The following DKK4 variants were observed in gnomAD, a reference collection of about 807,000 sequenced individuals.
DKK4 encodes dickkopf Wnt signaling pathway inhibitor 4, also known as dickkopf-related protein 4.
In DKK4, 15 loss-of-function variants were observed where a neutral mutation model predicts 14.5. The ratio of observed to expected loss-of-function variants is 1.03; its 90% CI spans 0.69 to 1.59. The LOEUF is 1.59. Among genes scored for constraint, DKK4 ranks in the 40% most tolerant of loss-of-function variants. The probability of loss-of-function intolerance (pLI) is 0.00; values close to 1 mark genes in which losing one functional copy is unlikely to be tolerated. For synonymous variants in DKK4, 89 were observed against 105.2 expected (o/e 0.85, Z 0.94); for missense variants, 272 against 280.3 (o/e 0.97, Z 0.21).
upstream of DKK4, among the ~76,000 whole-genome samples, chr8:42,380,110 A>C (rs796174680): frequency 1.2e-4 from 18 of 152,228 alleles, no homozygotes; most frequent in African/African-American, 4.3e-4. Flanking sequence ...AGATGGGAGG[A>C]TCACTTGAAG....
At chr8:42,388,987 G>C in the DKK4 span, among the ~76,000 whole-genome samples, 3 of 152,308 alleles carry the variant, frequency 2.0e-5, no homozygotes, top group Admixed American at 2.0e-4. Flanking sequence ...CTGTCGTCCA[G>C]GCTGTAGCGC....
At chr8:42,379,676 G>A (rs1469492726), upstream of DKK4, among the ~76,000 whole-genome samples, 1 of 152,092 alleles carries the variant, frequency 6.6e-6, no homozygotes, top group African/African-American at 2.4e-5. Context: ...GCTGAATTTT[G>A]TTGGTTGCAT....
intron 1 of DKK4, among the ~76,000 whole-genome samples, chr8:42,376,172 G>A (rs912587882): frequency 4.6e-5 from 7 of 152,124 alleles, no homozygotes; most frequent in Non-Finnish European, 8.8e-5. Flanking sequence ...CTAGAAGCTG[G>A]CTACAGTTTC....
the DKK4 span, among the ~76,000 whole-genome samples, chr8:42,385,672 A>C: frequency 1.3e-5 from 2 of 152,094 alleles, no homozygotes; most frequent in Non-Finnish European, 2.9e-5. Context: ...CCCAGCACAA[A>C]GTCCAGGCTC....
chr8:42,376,236 G>C (rs896977091), intron 1 of DKK4, among the ~76,000 whole-genome samples: 4 of 152,078 alleles, frequency 2.6e-5, no homozygotes, highest in Non-Finnish European at 4.4e-5. Flanking sequence ...TTACTCTAGT[G>C]AATCACATTT....
At chr8:42,380,632 A>T (rs574140090), upstream of DKK4, among the ~76,000 whole-genome samples, 1 of 144,666 alleles carries the variant, frequency 6.9e-6, no homozygotes, top group Admixed American at 6.7e-5. Flanking sequence ...AAAGAAAGAA[A>T]GAGGAAAGAA....
chr8:42,386,820 C>T, the DKK4 span, among the ~76,000 whole-genome samples: 1 of 152,166 alleles, frequency 6.6e-6, no homozygotes, highest in African/African-American at 2.4e-5. Context: ...CGGAATTGAA[C>T]TACACAGCTG....
chr8:42,386,265 G>C, the DKK4 span, among the ~76,000 whole-genome samples: 1 of 151,976 alleles, frequency 6.6e-6, no homozygotes, highest in African/African-American at 2.4e-5. Context: ...TGATGTTTAT[G>C]TTTATTGCTC....
the DKK4 span, among the ~76,000 whole-genome samples, chr8:42,391,254 G>A: frequency 1.3e-4 from 19 of 151,658 alleles, no homozygotes; most frequent in Middle Eastern, 3.4e-3. Flanking sequence ...GAGGCTGGGC[G>A]TGGGCTCAGG....
the DKK4 span, among the ~76,000 whole-genome samples, chr8:42,386,769 G>A: frequency 6.6e-6 from 1 of 152,138 alleles, no homozygotes; most frequent in East Asian, 1.9e-4. Flanking sequence ...GATTACAGGC[G>A]TGAGCCACCA....
At chr8:42,374,729 GA>G in intron 3 of DKK4, 31 bp downstream of exon 3, 1 of 1,613,088 alleles carries the variant, frequency 6.2e-7, no homozygotes, top group Non-Finnish European at 8.5e-7. Flanking sequence ...ATGCATTTCT[GA>G]AATAAAATAT....
chr8:42,377,203 G>T lies in DKK4; in HGVS notation c.-158C>A, dbSNP rs1030826720. On this transcript the variant is annotated 5_prime_UTR_variant, in exon 1 of 4. Coordinates refer to ENST00000220812, the MANE Select transcript of DKK4 (RefSeq NM_014420.3). ...AGAAGTAAACCTTAGTCTGAGTAAG[G>T]TGCGTGAAATCGGCTGAGCAAAGTC... 1 of 613,022 alleles carries T rather than the reference G, an allele frequency of 1.6e-6. No homozygotes were observed. The highest frequency in any genetic ancestry group is 2.8e-6 in the Non-Finnish European group (1 of 354,872). The allele number at this position is 613,022 out of a possible 1,614,324, so 38.0% of individuals were successfully genotyped here. A position where few individuals can be genotyped will look rare whatever the true frequency, so the allele number is the denominator to read the frequency against.
At chr8:42,374,470 A>G in intron 3 of DKK4, 111 bp from the exon 4 acceptor site, 2 of 1,420,864 alleles carry the variant, frequency 1.4e-6, no homozygotes, top group African/African-American at 1.4e-5. Context: ...CAAAGTAAAA[A>G]CAGACACAGC....
At chr8:42,378,686 G>A (rs577866108), upstream of DKK4, among the ~76,000 whole-genome samples, 3 of 152,010 alleles carry the variant, frequency 2.0e-5, no homozygotes, top group Non-Finnish European at 4.4e-5. Flanking sequence ...GGTTACCAAA[G>A]GCCCCTGGCA....
rs1563414120 is a variant in DKK4, at chr8:42,374,889, G to T, written c.287C>A (p.Ala96Glu). The change falls in exon 3 of 4, where the codon GCA (alanine) becomes GAA (glutamate). Residue 96 changes from alanine to glutamate, a missense_variant. By Grantham distance (107) the Ala-to-Glu change is moderately radical. Coordinates refer to ENST00000220812, the MANE Select transcript of DKK4 (RefSeq NM_014420.3). Reference sequence around the variant, plus strand: ...AAGCTGCCTTTCTAATATTGGGGTTGCATCTTCCATCGTAGTACAAACATC... The same window carrying T: ...AAGCTGCCTTTCTAATATTGGGGTTTCATCTTCCATCGTAGTACAAACATC... The part of the protein sequence containing the change: ...VNDVCTTMED[A>E]TPILERQLDE... 1.2e-6 allele frequency: 2 copies of T among 1,614,190 alleles called. No individual in the cohort carries two copies. Among genetic ancestry groups the T allele is most frequent in the South Asian group, 1.1e-5 (1 of 91,084 alleles).
Position 42,374,187 on chromosome 8 carries a change from A to G in DKK4, c.588T>C (p.Cys196=), listed in dbSNP as rs1370006470. The G allele has an allele frequency of 6.2e-7, 1 of 1,613,682 alleles. No homozygotes were observed. The highest frequency in any genetic ancestry group is 1.1e-5 in the South Asian group (1 of 91,008). ...GGCTTCGACACAGTAGTCCAGGGCC[A>G]CAGTCGCAACGCTGGAAGATTTCTG... ...QAPEIFQRCD[C]GPGLLCRSQL... Residue 196 remains cysteine, a synonymous_variant, in exon 4 of 4, where the codon TGT becomes TGC. Coordinates refer to ENST00000220812, the MANE Select transcript of DKK4 (RefSeq NM_014420.3).
the DKK4 span, among the ~76,000 whole-genome samples, chr8:42,387,015 C>G: frequency 6.6e-6 from 1 of 152,184 alleles, no homozygotes; most frequent in Non-Finnish European, 1.5e-5. Context: ...GGAGCCTGCT[C>G]CCTTGGGGAC....
chr8:42,391,018 T>C, the DKK4 span, among the ~76,000 whole-genome samples: 1 of 152,334 alleles, frequency 6.6e-6, no homozygotes, highest in Admixed American at 6.5e-5. Context: ...ACGATGATTT[T>C]CTATTTCTGT....
chr8:42,383,207 C>T, the DKK4 span, among the ~76,000 whole-genome samples: 1 of 152,178 alleles, frequency 6.6e-6, no homozygotes, highest in African/African-American at 2.4e-5. Flanking sequence ...ATTTGGTTCC[C>T]TGAGGTCAGA....
Sources: gnomAD v4.1 joint callset for allele counts (sites outside exome capture counted in the v4.1 genomes callset) on GRCh38, gnomAD v4.1.1 for gene constraint, MANE v1.5 for transcripts, NCBI Gene and HGNC (gene_info 2026-07-23, HGNC 2026-07-21) for gene names.